The following PEX5L variants were observed in gnomAD, a reference collection of about 807,000 sequenced individuals.
PEX5L encodes peroxisomal biogenesis factor 5 like, also known as PEX5-related protein.
A neutral mutation model predicts 84.0 loss-of-function variants in PEX5L; 30 were observed. The ratio of observed to expected loss-of-function variants is 0.36; its 90% CI spans 0.27 to 0.48. The LOEUF (loss-of-function observed/expected upper bound fraction) is 0.48, where lower values mean the gene tolerates loss of function less well. Among genes scored for constraint, PEX5L ranks in the 20% least tolerant of loss-of-function variants. The probability of loss-of-function intolerance (pLI) is 0.99; values close to 1 mark genes in which losing one functional copy is unlikely to be tolerated. For missense variants in PEX5L, 533 were observed against 754.6 expected (o/e 0.71, Z 3.44); for synonymous variants, 270 against 283.1 (o/e 0.95, Z 0.46).
intron 2 of PEX5L, among the ~76,000 whole-genome samples, chr3:179,930,707 T>C (rs775763786): frequency 3.3e-5 from 5 of 152,224 alleles, no homozygotes; most frequent in Non-Finnish European, 7.3e-5. Context: ...GGATCTGTCA[T>C]TCAAAGTGGA....
chr3:179,851,314 T>C (rs541719337), intron 8 of PEX5L, among the ~76,000 whole-genome samples: 4 of 152,180 alleles, frequency 2.6e-5, no homozygotes, highest in Admixed American at 1.3e-4. Context: ...CTGGTCTTCA[T>C]TGAAACTGCT....
At chr3:179,914,836 G>A (rs1766453114) in intron 2 of PEX5L, among the ~76,000 whole-genome samples, 2 of 152,102 alleles carry the variant, frequency 1.3e-5, no homozygotes, top group Admixed American at 1.3e-4. Context: ...CTCAGCCATG[G>A]GACATTTTTA....
rs1486980053 is a variant in PEX5L at position 179,798,162 on chromosome 3, G to T, written c.*3666C>A. On this transcript the variant is annotated 3_prime_UTR_variant, in exon 15 of 15. Coordinates refer to ENST00000467460, the MANE Select transcript of PEX5L (RefSeq NM_016559.3). ...CAATATAATAGTATCTTAAAGAGAA[G>T]AATGAGGAAAGTGGCATGAAACTCT... 6.6e-6 allele frequency: 1 copy of T among 152,190 alleles called. No individual in the cohort carries two copies. Among genetic ancestry groups the T allele is most frequent in the Admixed American group, 6.5e-5 (1 of 15,284 alleles). The allele number at this position is 152,190 out of a possible 1,614,324, so 9.4% of individuals were successfully genotyped here. A position where few individuals can be genotyped will look rare whatever the true frequency, so the allele number is the denominator to read the frequency against.
intron 1 of PEX5L, among the ~76,000 whole-genome samples, chr3:180,018,859 T>C (rs1268514014): frequency 6.6e-6 from 1 of 151,100 alleles, no homozygotes; most frequent in Non-Finnish European, 1.5e-5. Flanking sequence ...AGATTCAATT[T>C]GTTCAAGTTG....
chr3:179,847,565 G>A lies in PEX5L; in HGVS notation c.822+11497C>T, dbSNP rs188475153. The stretch of plus-strand genomic sequence containing the variant: ...CAAGATGTCTCTTTGCCCACAGGGA[G>A]TTTACCAACTTTCCATTGAATCCTG... On this transcript the variant is annotated intron_variant, in intron 8 of 14. Coordinates refer to ENST00000467460, the MANE Select transcript of PEX5L (RefSeq NM_016559.3). Among the ~76,000 whole-genome samples the A allele has an allele frequency of 3.9e-3, 598 of 152,278 alleles. 6 individuals are homozygous for A. Among genetic ancestry groups the A allele is most frequent in the Non-Finnish European group, 2.9e-3 (198 of 68,020 alleles).
intron 2 of PEX5L, among the ~76,000 whole-genome samples, chr3:179,962,160 C>G (rs1029268041): frequency 6.5e-5 from 5 of 76,458 alleles, no homozygotes; most frequent in Non-Finnish European, 1.1e-4. Flanking sequence ...ATCTATCAGA[C>G]AAATAGACTT....
chr3:180,024,649 C>T (rs1049380458), intron 1 of PEX5L, among the ~76,000 whole-genome samples: 9 of 151,794 alleles, frequency 5.9e-5, no homozygotes, highest in Admixed American at 1.3e-4. Context: ...GAGTACAGCT[C>T]CTTCCTTGGA....
chr3:179,970,667 C>G (rs1409407214), intron 2 of PEX5L, among the ~76,000 whole-genome samples: 1 of 151,988 alleles, frequency 6.6e-6, no homozygotes, highest in African/African-American at 2.4e-5. Flanking sequence ...GTCATTTTTC[C>G]TTTTTTCAGA....
chr3:179,902,721 A>G, intron 2 of PEX5L: 1 of 455,860 alleles, frequency 2.2e-6, no homozygotes, highest in Non-Finnish European at 4.4e-6. Context: ...CCACAGTTAC[A>G]CAGGCCACTG....
intron 1 of PEX5L, among the ~76,000 whole-genome samples, chr3:179,988,415 T>TAAATAAATAAATAAATA (rs1426208086): frequency 4.0e-5 from 6 of 150,778 alleles, no homozygotes; most frequent in African/African-American, 1.5e-4. Flanking sequence ...AATAAATAAA[T>TAAATAAATAAATAAATA]AAATAAAATA....
chr3:179,892,600 A>G (rs1578120435), intron 3 of PEX5L, among the ~76,000 whole-genome samples: 2 of 152,268 alleles, frequency 1.3e-5, no homozygotes, highest in African/African-American at 4.8e-5. Flanking sequence ...ACTGGATTTG[A>G]TCAATTCACA....
intron 2 of PEX5L, among the ~76,000 whole-genome samples, chr3:179,951,696 T>G (rs1464368521): frequency 6.6e-6 from 1 of 152,134 alleles, no homozygotes; most frequent in Non-Finnish European, 1.5e-5. Flanking sequence ...ATACCAGATT[T>G]CCTTTTTGTG....
chr3:179,845,258 G>A (rs1472059000), intron 8 of PEX5L, among the ~76,000 whole-genome samples: 1 of 152,122 alleles, frequency 6.6e-6, no homozygotes, highest in Admixed American at 6.5e-5. Flanking sequence ...TTTGATACAA[G>A]GTCACTAAGA....
intron 2 of PEX5L, among the ~76,000 whole-genome samples, chr3:179,903,670 G>A (rs1479856296): frequency 2.0e-5 from 3 of 152,138 alleles, no homozygotes; most frequent in African/African-American, 4.8e-5. Flanking sequence ...TTCACTTGGC[G>A]AGCTAAATGT....
chr3:179,910,091 AC>A (rs1764661530), intron 2 of PEX5L, among the ~76,000 whole-genome samples: 1 of 152,228 alleles, frequency 6.6e-6, no homozygotes, highest in African/African-American at 2.4e-5. Flanking sequence ...TAACAATGTT[AC>A]TTTAAGCCTT....
At chr3:179,850,348 A>T (rs1354168731) in intron 8 of PEX5L, among the ~76,000 whole-genome samples, 1 of 151,956 alleles carries the variant, frequency 6.6e-6, no homozygotes, top group Non-Finnish European at 1.5e-5. Flanking sequence ...GCTGGTCTTA[A>T]ACCTCTGACC....
chr3:179,859,068 T>C lies in PEX5L; in HGVS notation c.816A>G (p.Ala272=), dbSNP rs201678407. Residue 272 remains alanine, a synonymous_variant, in exon 8 of 15, where the codon GCA becomes GCG. Coordinates refer to ENST00000467460, the MANE Select transcript of PEX5L (RefSeq NM_016559.3). The stretch of plus-strand genomic sequence containing the variant: ...TAATTTGAAGAAAAGTTACCTCCAC[T>C]GCTGCTTTTGCCCTTTCAAACTCTT... ...LEEEFERAKA[A]VESDTEFWDK... The C allele has an allele frequency of 6.2e-7, 1 of 1,610,836 alleles. No individual in the cohort carries two copies.
At chr3:179,897,761 T>C (rs536280127) in intron 3 of PEX5L, among the ~76,000 whole-genome samples, 140 of 152,276 alleles carry the variant, frequency 9.2e-4, no homozygotes, top group African/African-American at 3.3e-3. Context: ...GTATACAATA[T>C]AACTTGTTTT....
At chr3:180,014,328 C>T (rs1014039099) in intron 1 of PEX5L, among the ~76,000 whole-genome samples, 2 of 152,052 alleles carry the variant, frequency 1.3e-5, no homozygotes, top group South Asian at 4.2e-4. Context: ...AAAAATTAGC[C>T]AGGCGTGGTG....
Sources: gnomAD v4.1 joint callset for allele counts (sites outside exome capture counted in the v4.1 genomes callset) on GRCh38, gnomAD v4.1.1 for gene constraint, MANE v1.5 for transcripts, NCBI Gene and HGNC (gene_info 2026-07-23, HGNC 2026-07-21) for gene names.